Variants in STYX observed in about 807,000 individuals in gnomAD.
STYX encodes serine/threonine/tyrosine-interacting protein.
Under a neutral mutation model 42.7 loss-of-function variants are expected in STYX, and 20 were observed. The ratio of observed to expected loss-of-function variants is 0.47; its 90% CI spans 0.33 to 0.68. The LOEUF (loss-of-function observed/expected upper bound fraction) is 0.68, where lower values mean the gene tolerates loss of function less well. STYX is among the 30% of genes least tolerant of loss of function. STYX has a pLI of 0.02. For synonymous variants in STYX, 78 were observed against 81.9 expected (o/e 0.95, Z 0.26); for missense variants, 226 against 268.5 (o/e 0.84, Z 1.11).
intron 6 of STYX, 149 bp from the exon 7 acceptor site, chr14:52,757,594 C>T: frequency 1.2e-6 from 1 of 800,276 alleles, no homozygotes; most frequent in South Asian, 1.8e-5. Context: ...CTGCTATATT[C>T]TCTACACAGT....
Position 52,771,782 on chromosome 14 carries a change from A to G in STYX, c.*676A>G, listed in dbSNP as rs542355874. 1.3e-5 allele frequency: 2 copies of G among 152,174 alleles called. No homozygotes were observed. The highest frequency in any genetic ancestry group is 3.9e-4 in the East Asian group (2 of 5,186). 9.4% of individuals were successfully genotyped at this position (152,174 alleles called of 1,614,324 possible). ...TGCTTCCTTTCTTATTACTTTCCTA[A>G]TTTTTCTATATTTTAAAAACTACAG... is the stretch of plus-strand genomic sequence containing the variant. On this transcript the variant is annotated 3_prime_UTR_variant, in exon 11 of 11. Coordinates refer to ENST00000354586, the MANE Select transcript of STYX (RefSeq NM_145251.4).
In STYX at chr14:52,730,230, G is replaced by C. The variant is rs1007665362; in HGVS notation, c.-245G>C. The C allele has an allele frequency of 3.3e-4, 190 of 567,554 alleles. No individual in the cohort carries two copies. The highest frequency in any genetic ancestry group is 3.0e-4 in the Non-Finnish European group (94 of 317,736). 35.2% of individuals were successfully genotyped at this position (567,554 alleles called of 1,614,324 possible). ...TGAGGGGTACGGAGACTCTGGGGGA[G>C]GGAGACGGCAGCGGCATGGCGGCCG... On this transcript the variant is annotated 5_prime_UTR_variant, in exon 1 of 11. Transcript: ENST00000354586.
At chr14:52,768,035 C>T (rs1041610196) in intron 9 of STYX, among the ~76,000 whole-genome samples, 1 of 152,082 alleles carries the variant, frequency 6.6e-6, no homozygotes, top group Non-Finnish European at 1.5e-5. Context: ...CACCTTCTCC[C>T]ATAGGCCACT....
chr14:52,762,781 T>G (rs1437805371), intron 9 of STYX, among the ~76,000 whole-genome samples: 4 of 152,048 alleles, frequency 2.6e-5, no homozygotes, highest in African/African-American at 9.7e-5. Context: ...ATTCATTATT[T>G]CATTCATTCA....
At chr14:52,769,721 G>C (rs1230809489) in intron 10 of STYX, among the ~76,000 whole-genome samples, 2 of 151,960 alleles carry the variant, frequency 1.3e-5, no homozygotes, top group Non-Finnish European at 2.9e-5. Context: ...TGTCAGTATT[G>C]TTAACATTCC....
intron 5 of STYX, 70 bp from the exon 6 acceptor site, chr14:52,757,249 A>G: frequency 8.2e-7 from 1 of 1,215,758 alleles, no homozygotes; most frequent in Non-Finnish European, 1.2e-6. Context: ...TGTTTTCAAT[A>G]GGTTTCATTT....
chr14:52,745,061 A>G (rs1471865013), intron 2 of STYX, among the ~76,000 whole-genome samples, 177 bp downstream of exon 2: 1 of 151,982 alleles, frequency 6.6e-6, no homozygotes, highest in African/African-American at 2.4e-5. Context: ...GGGAAATTAG[A>G]AAGAGGAACG....
At chr14:52,732,614 A>T (rs945825416) in intron 1 of STYX, among the ~76,000 whole-genome samples, 1 of 151,864 alleles carries the variant, frequency 6.6e-6, no homozygotes. Context: ...TAGGCTAGTT[A>T]TAAAAATGAA....
rs146362853 is a variant in STYX at position 52,736,002 on chromosome 14, A to C, written c.57+5471A>C. On this transcript the variant is annotated intron_variant, in intron 1 of 10. Transcript: ENST00000354586. Reference sequence around the variant, plus strand: ...TTTCCAGGGTCCTGTATGGTCTGACATCTGCATACCTCTCTAACCTCATTA... The same window carrying C: ...TTTCCAGGGTCCTGTATGGTCTGACCTCTGCATACCTCTCTAACCTCATTA... Among the ~76,000 whole-genome samples, 783 of 152,306 alleles carry C rather than the reference A, an allele frequency of 5.1e-3. 6 individuals are homozygous for C. The highest frequency in any genetic ancestry group is 0.045 in the East Asian group (231 of 5,186).
At chr14:52,758,959 T>C (rs1329242861) in intron 8 of STYX, among the ~76,000 whole-genome samples, 1 of 152,210 alleles carries the variant, frequency 6.6e-6, no homozygotes, top group Non-Finnish European at 1.5e-5. Context: ...TTTCGAATTT[T>C]GTCAGACCAT....
At chr14:52,743,575 G>A (rs534552482) in intron 1 of STYX, among the ~76,000 whole-genome samples, 1 of 151,584 alleles carries the variant, frequency 6.6e-6, no homozygotes, top group East Asian at 1.9e-4. Context: ...TGTAAGACTC[G>A]GTCTCAAAAA....
At chr14:52,757,294 T>C (rs751932117) in intron 5 of STYX, 25 bp from the exon 6 acceptor site, 31 of 1,586,242 alleles carry the variant, frequency 2.0e-5, no homozygotes, top group Middle Eastern at 1.7e-4. Flanking sequence ...ATGCTTACAT[T>C]AATCCACATG....
At chr14:52,753,486 G>A (rs1035546170) in intron 4 of STYX, among the ~76,000 whole-genome samples, 5 of 152,208 alleles carry the variant, frequency 3.3e-5, no homozygotes, top group East Asian at 3.9e-4. Flanking sequence ...ACGCTCAGCC[G>A]AGGGACATAT....
At chr14:52,756,675 CTTTTTTTTTTT>C (rs748826005) in intron 5 of STYX, 64 bp downstream of exon 5, 7 of 71,902 alleles carry the variant, frequency 9.7e-5, no homozygotes, top group East Asian at 7.6e-4. Flanking sequence ...CTTAGTTGTG[CTTTTTTTTTTT>C]TTTTTTTTTT....
chr14:52,750,666 C>CTT lies in STYX; in HGVS notation c.145-8_145-7dup, dbSNP rs770456434. The CTT allele has an allele frequency of 5.2e-5, 64 of 1,237,902 alleles. No individual in the cohort carries two copies. The highest frequency in any genetic ancestry group is 2.0e-4 in the Middle Eastern group (1 of 4,990). The allele number at this position is 1,237,902 out of a possible 1,614,324, so 76.7% of individuals were successfully genotyped here. A position where few individuals can be genotyped will look rare whatever the true frequency, so the allele number is the denominator to read the frequency against. On this transcript the variant is annotated splice_polypyrimidine_tract_variant and intron_variant, in intron 3 of 10. Transcript: ENST00000354586. ...ATTTATCTTCCCTGTCCTCCCCCTGCTTTTTTTTTTATACAGCTACCTGTA... is the reference window on the plus strand; with the variant it reads ...ATTTATCTTCCCTGTCCTCCCCCTGCTTTTTTTTTTTTATACAGCTACCTGTA...
At chr14:52,741,583 G>A (rs962913971) in intron 1 of STYX, among the ~76,000 whole-genome samples, 2 of 151,834 alleles carry the variant, frequency 1.3e-5, no homozygotes, top group African/African-American at 2.4e-5. Flanking sequence ...GACTACAGGC[G>A]TGCCACCTCC....
At chr14:52,739,632 C>CTTTTTTT (rs58454717) in intron 1 of STYX, among the ~76,000 whole-genome samples, 1,110 of 65,538 alleles carry the variant, frequency 0.017, 1 homozygote, top group Non-Finnish European at 0.019. Context: ...TCCTTTCTTT[C>CTTTTTTT]TTTTTTTTTT....
At chr14:52,739,803 C>A (rs1881114727) in intron 1 of STYX, among the ~76,000 whole-genome samples, 1 of 151,536 alleles carries the variant, frequency 6.6e-6, no homozygotes, top group African/African-American at 2.4e-5. Flanking sequence ...CACCACCGCA[C>A]CTGGCTAATT....
chr14:52,744,935 A>C, intron 2 of STYX, 51 bp downstream of exon 2: 1 of 1,574,880 alleles, frequency 6.3e-7, no homozygotes, highest in Non-Finnish European at 8.7e-7. Flanking sequence ...TATCATAATA[A>C]GAACCTTAGT....
Sources: allele counts gnomAD v4.1 joint callset (sites outside exome capture counted in the v4.1 genomes callset), GRCh38; gene constraint gnomAD v4.1.1; transcripts MANE v1.5; gene names NCBI Gene and HGNC (gene_info 2026-07-23, HGNC 2026-07-21).